Variants in RETREG1 observed in about 807,000 individuals in gnomAD.
RETREG1 encodes the protein reticulophagy regulator 1.
A neutral mutation model predicts 54.8 loss-of-function variants in RETREG1; 44 were observed. That is an observed-to-expected ratio of 0.80 (90% CI 0.63 to 1.03). The LOEUF is 1.03. Among genes scored for constraint, RETREG1 ranks in the 50% least tolerant of loss-of-function variants. The probability of loss-of-function intolerance (pLI) is 0.00; values close to 1 mark genes in which losing one functional copy is unlikely to be tolerated. For synonymous variants in RETREG1, 217 were observed against 238.5 expected, an observed-to-expected ratio of 0.91 and a Z score of 0.83; for missense variants, 554 against 605.1, an observed-to-expected ratio of 0.92 and a Z score of 0.89.
At chr5:16,492,759 A>G (rs1739300853) in intron 3 of RETREG1, among the ~76,000 whole-genome samples, 1 of 152,212 alleles carries the variant, frequency 6.6e-6, no homozygotes, top group Admixed American at 6.5e-5. Flanking sequence ...CTCTGTGTGT[A>G]GGTGCTTGCA....
intron 1 of RETREG1, among the ~76,000 whole-genome samples, chr5:16,587,739 G>A (rs1179630180): frequency 1.3e-5 from 2 of 152,128 alleles, no homozygotes; most frequent in Non-Finnish European, 2.9e-5. Context: ...CTCCAACCAA[G>A]GATGCAAAGA....
At chr5:16,477,528 AT>A (rs1738585369) in intron 8 of RETREG1, 133 bp downstream of exon 8, 1 of 891,502 alleles carries the variant, frequency 1.1e-6, no homozygotes, top group Non-Finnish European at 1.8e-6. Context: ...TCAGGACTTC[AT>A]TTTTATAGCC....
intron 1 of RETREG1, among the ~76,000 whole-genome samples, chr5:16,596,704 C>T (rs2126351122): frequency 6.6e-6 from 1 of 152,256 alleles, no homozygotes. Context: ...TCAGCAAAGC[C>T]CACAACATCC....
intron 3 of RETREG1, among the ~76,000 whole-genome samples, chr5:16,545,703 T>C (rs1741367886): frequency 6.6e-6 from 1 of 152,162 alleles, no homozygotes; most frequent in Admixed American, 6.5e-5. Flanking sequence ...CCTGGGAACG[T>C]CTTGGTTCCT....
chr5:16,547,070 G>A (rs1741409727), intron 3 of RETREG1, among the ~76,000 whole-genome samples: 2 of 152,172 alleles, frequency 1.3e-5, no homozygotes, highest in African/African-American at 2.4e-5. Context: ...CAATGCGAGG[G>A]ACCGTTCTAT....
At chr5:16,482,176 C>G (rs74897829) in intron 4 of RETREG1, among the ~76,000 whole-genome samples, 1 of 151,812 alleles carries the variant, frequency 6.6e-6, no homozygotes, top group African/African-American at 2.4e-5. Flanking sequence ...TTGAAAGAAT[C>G]TGGAATTCTA....
intron 3 of RETREG1, among the ~76,000 whole-genome samples, chr5:16,553,500 T>G (rs1741602343): frequency 6.6e-6 from 1 of 152,002 alleles, no homozygotes; most frequent in Admixed American, 6.6e-5. Flanking sequence ...ATCTATACTT[T>G]GAATATATAA....
intron 1 of RETREG1, among the ~76,000 whole-genome samples, chr5:16,611,362 C>T (rs1421310888): frequency 6.6e-6 from 1 of 152,096 alleles, no homozygotes; most frequent in Non-Finnish European, 1.5e-5. Context: ...ACGTAACAAA[C>T]CTGCACGTTG....
intron 3 of RETREG1, among the ~76,000 whole-genome samples, chr5:16,534,790 A>C (rs1359551744): frequency 6.6e-6 from 1 of 152,188 alleles, no homozygotes; most frequent in African/African-American, 2.4e-5. Context: ...CCTTGACAGT[A>C]TATCCCTGCC....
intron 1 of RETREG1, among the ~76,000 whole-genome samples, chr5:16,584,527 G>A (rs565851553): frequency 7.9e-5 from 12 of 152,168 alleles, no homozygotes; most frequent in East Asian, 5.8e-4. Context: ...AAAGGGTCTC[G>A]TAAGGCATAA....
At chr5:16,586,013 A>G (rs952915591) in intron 1 of RETREG1, among the ~76,000 whole-genome samples, 4 of 152,194 alleles carry the variant, frequency 2.6e-5, no homozygotes, top group African/African-American at 7.2e-5. Context: ...TATCCAAACT[A>G]TATCAGCTAG....
In RETREG1 at chr5:16,597,440, C is replaced by T. The variant is rs1020132734; in HGVS notation, c.320+19212G>A. Among the ~76,000 whole-genome samples, 2 of 152,216 alleles carry T rather than the reference C, an allele frequency of 1.3e-5. No individual in the cohort carries two copies. Among genetic ancestry groups the T allele is most frequent in the African/African-American group, 2.4e-5 (1 of 41,462 alleles). On this transcript the variant is annotated intron_variant, in intron 1 of 8. Transcript: ENST00000306320. The surrounding 1 kb of genome is among the most constrained non-coding windows in gnomAD (Gnocchi z 4.3). Reference sequence around the variant, plus strand: ...CCAAAAGCATCATAAATCTTAACCCCTAACCTTGGTGCCACAAAAAGCACA... The same window carrying T: ...CCAAAAGCATCATAAATCTTAACCCTTAACCTTGGTGCCACAAAAAGCACA...
chr5:16,555,164 A>ATT (rs112169304), intron 3 of RETREG1, among the ~76,000 whole-genome samples: 14,729 of 152,104 alleles, frequency 0.097, 2,267 homozygotes, highest in African/African-American at 0.33. Context: ...ATTTATTTTT[A>ATT]TTTTTGAGAC....
At chr5:16,522,949 T>C (rs1440634276) in intron 3 of RETREG1, among the ~76,000 whole-genome samples, 2 of 151,670 alleles carry the variant, frequency 1.3e-5, no homozygotes, top group Admixed American at 6.6e-5. Flanking sequence ...GAGGTTACAG[T>C]GAGCTGTGAC....
chr5:16,474,669 C>CTTTTTTTTTTTTTT lies in RETREG1; in HGVS notation c.*58_*71dup. 1 of 1,264,830 alleles carries CTTTTTTTTTTTTTT rather than the reference C, an allele frequency of 7.9e-7. No homozygotes were observed. The highest frequency in any genetic ancestry group is 1.7e-5 in the African/African-American group (1 of 60,200). The allele number at this position is 1,264,830 out of a possible 1,614,324, so 78.4% of individuals were successfully genotyped here. On this transcript the variant is annotated 3_prime_UTR_variant, in exon 9 of 9. Coordinates refer to ENST00000306320, the MANE Select transcript of RETREG1 (RefSeq NM_001034850.3). The stretch of plus-strand genomic sequence containing the variant: ...CTTACAGTTCAATTTTTTTCTTTTC[C>CTTTTTTTTTTTTTT]TTTTTTTTTTTTTTTTCTTGTTTGA...
chr5:16,488,277 C>G (rs1739096204), intron 3 of RETREG1, among the ~76,000 whole-genome samples: 1 of 152,198 alleles, frequency 6.6e-6, no homozygotes, highest in Non-Finnish European at 1.5e-5. Context: ...TTTCAAAACT[C>G]TGGGCATTAG....
rs377497832 is a variant in RETREG1, at chr5:16,540,539, A to C, written c.458+25224T>G. Among the ~76,000 whole-genome samples the C allele has an allele frequency of 8.5e-5, 13 of 152,360 alleles. No individual in the cohort carries two copies. The East Asian group carries it at 2.5e-3, about 29-fold the overall frequency. On this transcript the variant is annotated intron_variant, in intron 3 of 8. Transcript: ENST00000306320. ...ATACCAGTGAATGATTCACTTCACCACTGTAAGAAAATCAAATCTGGGAAA... is the reference window on the plus strand; with the variant it reads ...ATACCAGTGAATGATTCACTTCACCCCTGTAAGAAAATCAAATCTGGGAAA...
At chr5:16,600,870 A>G (rs895995457) in intron 1 of RETREG1, among the ~76,000 whole-genome samples, 1 of 152,262 alleles carries the variant, frequency 6.6e-6, no homozygotes, top group Non-Finnish European at 1.5e-5. Flanking sequence ...ATCAAAACAA[A>G]CGCATCTAAA....
intron 3 of RETREG1, among the ~76,000 whole-genome samples, chr5:16,557,108 T>A (rs1215439483): frequency 1.3e-5 from 2 of 152,122 alleles, no homozygotes; most frequent in Non-Finnish European, 2.9e-5. Context: ...GGCATTAAAG[T>A]CATGAGCCAC....
Sources: allele counts gnomAD v4.1 joint callset (sites outside exome capture counted in the v4.1 genomes callset), GRCh38; gene constraint gnomAD v4.1.1; non-coding constraint Gnocchi (gnomAD v3.1); transcripts MANE v1.5; gene names NCBI Gene and HGNC (gene_info 2026-07-23, HGNC 2026-07-21).